Variants in DMD observed in about 807,000 individuals in gnomAD.
The protein encoded by DMD is dystrophin, also known as mutant dystrophin.
A neutral mutation model predicts 330.1 loss-of-function variants in DMD; 63 were observed. The observed-to-expected ratio is 0.19, with a 90% CI of 0.16 to 0.24. The LOEUF (loss-of-function observed/expected upper bound fraction) is 0.24. DMD is among the 10% of genes least tolerant of loss of function. The pLI, the probability that DMD is intolerant of heterozygous loss-of-function variation, is 1.00. For missense variants in DMD, 3,344 were observed against 2,684.1 expected, an observed-to-expected ratio of 1.25 and a Z score of -5.43; for synonymous variants, 1,223 against 959.8, an observed-to-expected ratio of 1.27 and a Z score of -5.07.
chrX:31,121,442 A>ATGTG lies in DMD; in HGVS notation c.*473_*476dup, dbSNP rs386416845. On this transcript the variant is annotated 3_prime_UTR_variant, in exon 79 of 79. Transcript: ENST00000357033. Reference sequence around the variant, plus strand: ...CTCAAAGTTTTGTGTGTGTGTGTGTATGTGTGTGTGTGTGTGTTTGTTTTG... The same window carrying ATGTG: ...CTCAAAGTTTTGTGTGTGTGTGTGTATGTGTGTGTGTGTGTGTGTGTTTGTTTTG... The ATGTG allele has an allele frequency of 1.8e-4, 23 of 127,853 alleles. No individual in the cohort carries two copies. Among genetic ancestry groups the ATGTG allele is most frequent in the Admixed American group, 1.4e-3 (16 of 11,156 alleles). The allele number at this position is 127,853 out of a possible 1,213,427, so 10.5% of individuals were successfully genotyped here.
At chrX:32,724,924 A>G (rs2066706627) in intron 7 of DMD, among the ~76,000 whole-genome samples, 2 of 111,910 alleles carry the variant, frequency 1.8e-5, no homozygotes, top group South Asian at 3.7e-4. Context: ...CCAAAACCAG[A>G]GTTGTGTTCT....
chrX:31,931,030 C>A (rs6527134), intron 46 of DMD, among the ~76,000 whole-genome samples: 1 of 110,844 alleles, frequency 9.0e-6, no homozygotes, highest in South Asian at 3.7e-4. Context: ...CAGGTGTAAA[C>A]CTCTTGTTTC....
At chrX:33,128,376 CG>C in intron 1 of DMD, 2 of 1,019,321 alleles carry the variant, frequency 2.0e-6, no homozygotes, top group Non-Finnish European at 2.5e-6. Flanking sequence ...TCTTCCACTC[CG>C]GTTGCCGTGA....
intron 9 of DMD, among the ~76,000 whole-genome samples, chrX:32,662,980 T>A (rs2061046615): frequency 8.9e-6 from 1 of 112,300 alleles, no homozygotes; most frequent in South Asian, 3.7e-4. Context: ...GTCCTTTGTT[T>A]TTAGCATGTA....
chrX:31,479,182 G>C (rs1490490372), intron 57 of DMD, 79 bp from the exon 58 acceptor site: 2 of 1,090,329 alleles, frequency 1.8e-6, no homozygotes, highest in Non-Finnish European at 2.5e-6. Context: ...CTCAGAACTT[G>C]TTTATGAAAC....
chrX:32,027,819 A>C (rs1021289467), intron 44 of DMD, among the ~76,000 whole-genome samples: 19 of 112,707 alleles, frequency 1.7e-4, no homozygotes, highest in Non-Finnish European at 3.2e-4. Context: ...CAAAGAGCAC[A>C]TCAGACCATT....
At chrX:32,803,114 G>C (rs904185880) in intron 7 of DMD, among the ~76,000 whole-genome samples, 1 of 111,203 alleles carries the variant, frequency 9.0e-6, no homozygotes, top group African/African-American at 3.3e-5. Context: ...TTTTTGGTTT[G>C]TAGGCTATTA....
chrX:32,581,269 G>A (rs1181482827), intron 13 of DMD, among the ~76,000 whole-genome samples: 2 of 112,368 alleles, frequency 1.8e-5, no homozygotes, highest in African/African-American at 3.2e-5. Context: ...ATAAGATAAT[G>A]TAGGTGTAAC....
At chrX:32,766,791 C>A (rs916896596) in intron 7 of DMD, among the ~76,000 whole-genome samples, 6 of 111,587 alleles carry the variant, frequency 5.4e-5, no homozygotes, top group African/African-American at 1.9e-4. Context: ...CCACAAAAGT[C>A]TTTGAGGTGA....
chrX:31,646,540 C>T lies in DMD; in HGVS notation c.8027+11450G>A, dbSNP rs149771147. Reference sequence around the variant, plus strand: ...GATACCAATGCTGCCAGTCAGAGGACCATACTTTGGGTAACACTGCGGTCT... The same window carrying T: ...GATACCAATGCTGCCAGTCAGAGGATCATACTTTGGGTAACACTGCGGTCT... On this transcript the variant is annotated intron_variant, in intron 54 of 78. Coordinates refer to ENST00000357033, the MANE Select transcript of DMD (RefSeq NM_004006.3). 5.2e-3 allele frequency among the ~76,000 whole-genome samples: 576 copies of T among 111,374 alleles called. 2 individuals are homozygous for T. Among genetic ancestry groups the T allele is most frequent in the South Asian group, 0.017 (45 of 2,650 alleles).
chrX:31,846,027 G>A (rs956332796), intron 48 of DMD, among the ~76,000 whole-genome samples: 5 of 110,741 alleles, frequency 4.5e-5, no homozygotes, highest in Non-Finnish European at 9.5e-5. Flanking sequence ...CACAGGATAA[G>A]AGAAGAAAGT....
chrX:32,885,827 GAAAAAAAAA>G (rs35272541), intron 2 of DMD, among the ~76,000 whole-genome samples: 11 of 64,942 alleles, frequency 1.7e-4, no homozygotes, highest in African/African-American at 6.3e-4. Flanking sequence ...CCTTGAGGGG[GAAAAAAAAA>G]AAAAAAAAAA....
intron 2 of DMD, among the ~76,000 whole-genome samples, chrX:32,856,386 T>A (rs186829391): frequency 1.8e-5 from 2 of 111,813 alleles, no homozygotes; most frequent in East Asian, 5.6e-4. Flanking sequence ...CTATTCACAA[T>A]AGCCAAGATT....
At chrX:32,073,116 T>C (rs972347650) in intron 44 of DMD, among the ~76,000 whole-genome samples, 14 of 111,773 alleles carry the variant, frequency 1.3e-4, no homozygotes, top group Non-Finnish European at 2.1e-4. Flanking sequence ...AAGAAAGACA[T>C]GGGATGAATT....
intron 1 of DMD, among the ~76,000 whole-genome samples, chrX:33,322,828 T>G (rs989893571): frequency 8.9e-6 from 1 of 112,029 alleles, no homozygotes. Flanking sequence ...GATGTAAATA[T>G]GATAGTTGAA....
chrX:31,313,704 A>G (rs1445810103), intron 62 of DMD, among the ~76,000 whole-genome samples: 1 of 109,109 alleles, frequency 9.2e-6, no homozygotes, highest in Admixed American at 9.7e-5. Flanking sequence ...TGAATCTCCA[A>G]TGTCTATCCT....
intron 78 of DMD, among the ~76,000 whole-genome samples, chrX:31,123,264 T>G (rs974777527): frequency 8.9e-6 from 1 of 111,817 alleles, no homozygotes; most frequent in Non-Finnish European, 1.9e-5. Flanking sequence ...TCTATTAAGG[T>G]GACCAAGTTT....
chrX:31,519,603 G>T (rs974138001), intron 55 of DMD, among the ~76,000 whole-genome samples: 1 of 111,526 alleles, frequency 9.0e-6, no homozygotes, highest in Non-Finnish European at 1.9e-5. Context: ...GTTTACAATA[G>T]GTTAATGATA....
chrX:31,659,693 C>A (rs2081015789), intron 53 of DMD, among the ~76,000 whole-genome samples: 1 of 95,094 alleles, frequency 1.1e-5, no homozygotes, highest in African/African-American at 3.9e-5. Context: ...ATGTTTAATG[C>A]AGGGACATTA....
Sources: gnomAD v4.1 joint callset for allele counts (sites outside exome capture counted in the v4.1 genomes callset) on GRCh38, gnomAD v4.1.1 for gene constraint, MANE v1.5 for transcripts, NCBI Gene and HGNC (gene_info 2026-07-23, HGNC 2026-07-21) for gene names.